The following SNX32 variants were observed in gnomAD, a reference collection of about 807,000 sequenced individuals.
The protein encoded by SNX32 is sorting nexin-32.
SNX32 carries 58 observed loss-of-function variants against 57.0 expected under a neutral mutation model. The observed-to-expected ratio is 1.02, with a 90% CI of 0.82 to 1.27. The LOEUF (loss-of-function observed/expected upper bound fraction) is 1.27, where lower values mean the gene tolerates loss of function less well. Ranked by LOEUF, SNX32 falls within the 50% of genes most tolerant of loss-of-function variation. The pLI is 0.00. For synonymous variants in SNX32, 262 were observed against 220.4 expected, an observed-to-expected ratio of 1.19 and a Z score of -1.67; for missense variants, 589 against 541.2, an observed-to-expected ratio of 1.09 and a Z score of -0.88.
At chr11:65,837,956 G>A (rs900463318) in intron 1 of SNX32, among the ~76,000 whole-genome samples, 2 of 152,046 alleles carry the variant, frequency 1.3e-5, no homozygotes, top group African/African-American at 4.8e-5. Context: ...AGGAGTTTGA[G>A]ACCAGCCTGG....
chr11:65,839,480 C>T (rs1484481271), intron 1 of SNX32, among the ~76,000 whole-genome samples: 3 of 149,770 alleles, frequency 2.0e-5, no homozygotes, highest in African/African-American at 2.5e-5. Flanking sequence ...CCGCCCGCCT[C>T]GGCCTCCCAA....
rs755185237 is a variant in SNX32 at position 65,839,223 on chromosome 11, G to GTTTTGTTTTTTTTTTTTTT, written c.36+5123_36+5124insTTTGTTTTTTTTTTTTTTT. On this transcript the variant is annotated intron_variant, in intron 1 of 12. Transcript: ENST00000308342. ...CCCACCACGCCCAGCTAATTTTTTT[G>GTTTTGTTTTTTTTTTTTTT]TATTTTTTTTTTTTTTTTTTTTTTG... Among the ~76,000 whole-genome samples the GTTTTGTTTTTTTTTTTTTT allele has an allele frequency of 1.7e-4, 4 of 23,066 alleles. No individual in the cohort carries two copies. The South Asian group carries it at 6.3e-3, about 36-fold the overall frequency. The allele number at this position is 23,066 out of a possible 152,430, so 15.1% of individuals were successfully genotyped here.
intron 1 of SNX32, among the ~76,000 whole-genome samples, chr11:65,846,879 A>T (rs905576171): frequency 1.3e-5 from 2 of 151,916 alleles, no homozygotes; most frequent in Non-Finnish European, 2.9e-5. Context: ...GCTACCTGGG[A>T]GGATGAGGCA....
At chr11:65,839,223 G>GTTTGTTTTTTTTTTTTTTT (rs755185237) in intron 1 of SNX32, among the ~76,000 whole-genome samples, 2 of 23,078 alleles carry the variant, frequency 8.7e-5, no homozygotes, top group Admixed American at 7.7e-4. Flanking sequence ...TAATTTTTTT[G>GTTTGTTTTTTTTTTTTTTT]TATTTTTTTT....
At position 65,853,348 on chromosome 11, in the gene SNX32, T is replaced by TCAGCCAGACCC; in HGVS notation, c.*14_*24dup. The TCAGCCAGACCC allele has an allele frequency of 6.2e-7, 1 of 1,613,818 alleles. No individual in the cohort carries two copies. The highest frequency in any genetic ancestry group is 8.5e-7 in the Non-Finnish European group (1 of 1,179,840). ...GGGGGAGCCTTAGAGTAGCCAGAGC[T>TCAGCCAGACCC]CAGCCAGACCCTAATCTGGGATCTC... is the stretch of plus-strand genomic sequence containing the variant. On this transcript the variant is annotated 3_prime_UTR_variant, in exon 13 of 13. Transcript: ENST00000308342.
chr11:65,834,380 T>C (rs1858593999), intron 1 of SNX32, among the ~76,000 whole-genome samples: 1 of 151,474 alleles, frequency 6.6e-6, no homozygotes, highest in Non-Finnish European at 1.5e-5. Context: ...AGTGTGTGTC[T>C]GTGTCTTTGT....
chr11:65,834,575 T>C (rs1344095048), intron 1 of SNX32, among the ~76,000 whole-genome samples: 1 of 151,188 alleles, frequency 6.6e-6, no homozygotes, highest in Non-Finnish European at 1.5e-5. Flanking sequence ...TCTGTGTCTG[T>C]GTATGGTCTG....
chr11:65,847,197 G>A (rs879272809), intron 1 of SNX32, among the ~76,000 whole-genome samples: 7 of 151,914 alleles, frequency 4.6e-5, no homozygotes, highest in Non-Finnish European at 1.0e-4. Context: ...TTGTGGAGAT[G>A]GGGGTCGAAG....
At chr11:65,837,817 C>CAAAAAAA (rs774242704) in intron 1 of SNX32, among the ~76,000 whole-genome samples, 4 of 71,416 alleles carry the variant, frequency 5.6e-5, no homozygotes, top group South Asian at 5.8e-4. Context: ...AAGACTCTCT[C>CAAAAAAA]AAAAAAAAAA....
Position 65,851,421 on chromosome 11 carries a change from C to T in SNX32, c.785+18C>T, listed in dbSNP as rs758899421. On this transcript the variant is annotated intron_variant, in intron 8 of 12. Transcript: ENST00000308342. ...CTAAGGACGTGAGGACTCCCCCCACCCCTACCCTCTCCCTGTGCCTGTAAT... is the reference window on the plus strand; with the variant it reads ...CTAAGGACGTGAGGACTCCCCCCACTCCTACCCTCTCCCTGTGCCTGTAAT... 47 of 1,613,104 alleles carry T rather than the reference C, an allele frequency of 2.9e-5. No homozygotes were observed. Among genetic ancestry groups the T allele is most frequent in the Non-Finnish European group, 3.8e-5 (45 of 1,179,222 alleles).
intron 9 of SNX32, among the ~76,000 whole-genome samples, chr11:65,852,061 C>T (rs190921687): frequency 4.3e-3 from 655 of 152,218 alleles, no homozygotes; most frequent in African/African-American, 0.015. Flanking sequence ...TCTATTGGAC[C>T]GCATCTCTTC....
rs1204202623 is a variant in SNX32, at chr11:65,833,969, T to C, written c.-97T>C. The C allele has an allele frequency of 2.9e-6, 4 of 1,397,978 alleles. No homozygotes were observed. Among genetic ancestry groups the C allele is most frequent in the East Asian group, 5.3e-5 (2 of 37,862 alleles). 86.6% of individuals were successfully genotyped at this position (1,397,978 alleles called of 1,614,324 possible). ...GGCGGGGGAGAGCGTCCCCGTCAGC[T>C]GAGAGCATCCTCACTCGGTCAGTTC... is the stretch of plus-strand genomic sequence containing the variant. On this transcript the variant is annotated 5_prime_UTR_variant, in exon 1 of 13. Coordinates refer to ENST00000308342, the MANE Select transcript of SNX32 (RefSeq NM_152760.3).
At position 65,845,685 on chromosome 11, in the gene SNX32, C is replaced by T. The variant is rs1207032608; in HGVS notation, c.37-3793C>T. Among the ~76,000 whole-genome samples, 6 of 151,756 alleles carry T rather than the reference C, an allele frequency of 4.0e-5. No homozygotes were observed. In the East Asian group the frequency reaches 7.7e-4, roughly 20 times the overall value. ...CCAGGAGGCAGAGGTTGCAGTGAGC[C>T]GAGATCTTGCCATTACACTCCAGCT... On this transcript the variant is annotated intron_variant, in intron 1 of 12. Transcript: ENST00000308342.
At chr11:65,848,151 G>A (rs1859053607) in intron 1 of SNX32, among the ~76,000 whole-genome samples, 2 of 152,164 alleles carry the variant, frequency 1.3e-5, no homozygotes, top group African/African-American at 4.8e-5. Flanking sequence ...CAAAAGCAGA[G>A]AGAGGAGAGA....
chr11:65,841,961 T>C (rs1476329987), intron 1 of SNX32, among the ~76,000 whole-genome samples: 5 of 152,192 alleles, frequency 3.3e-5, no homozygotes, highest in Non-Finnish European at 7.3e-5. Flanking sequence ...AAGATTGATC[T>C]ATATATTTGA....
intron 6 of SNX32, 88 bp downstream of exon 6, chr11:65,850,943 C>T (rs1859166402): frequency 1.3e-6 from 2 of 1,501,536 alleles, no homozygotes; most frequent in Admixed American, 3.4e-5. Context: ...GGGAAGGAAG[C>T]CACTGGTGGG....
At chr11:65,845,330 A>C (rs1212934137) in intron 1 of SNX32, among the ~76,000 whole-genome samples, 43 of 150,572 alleles carry the variant, frequency 2.9e-4, no homozygotes, top group Admixed American at 5.3e-4. Flanking sequence ...CCCAGCTACT[A>C]GGGAGGCTGA....
chr11:65,844,577 T>C (rs1039813961), intron 1 of SNX32, among the ~76,000 whole-genome samples: 1 of 152,190 alleles, frequency 6.6e-6, no homozygotes, highest in Non-Finnish European at 1.5e-5. Context: ...GAAAACCGTT[T>C]GGCAGTATTT....
At position 65,850,502 on chromosome 11, in the gene SNX32, C is replaced by T; in HGVS notation, c.446C>T (p.Pro149Leu). The stretch of plus-strand genomic sequence containing the variant: ...TTTCTGCAGCGCCTGGCGGCCCACC[C>T]CACCCTGCGTCGAGACCACAACTTC... ...EVFLQRLAAH[P>L]TLRRDHNFFV... is the part of the protein sequence containing the mutation. Residue 149 changes from proline to leucine, a missense_variant, in exon 5 of 13, where the codon CCC becomes CTC. Coordinates refer to ENST00000308342, the MANE Select transcript of SNX32 (RefSeq NM_152760.3). 3 of 1,614,008 alleles carry T rather than the reference C, an allele frequency of 1.9e-6. No homozygotes were observed. The highest frequency in any genetic ancestry group is 2.5e-6 in the Non-Finnish European group (3 of 1,179,908).
Sources: gnomAD v4.1 joint callset for allele counts (sites outside exome capture counted in the v4.1 genomes callset) on GRCh38, gnomAD v4.1.1 for gene constraint, MANE v1.5 for transcripts, NCBI Gene and HGNC (gene_info 2026-07-23, HGNC 2026-07-21) for gene names.